The following COL4A6 variants were observed in gnomAD, a reference collection of about 807,000 sequenced individuals.
COL4A6 encodes collagen alpha-6(IV) chain.
COL4A6 carries 59 observed loss-of-function variants against 126.7 expected under a neutral mutation model. That is an observed-to-expected ratio of 0.47 (90% CI 0.38 to 0.58). COL4A6 has a LOEUF of 0.58. COL4A6 is among the 20% of genes least tolerant of loss of function. The probability of loss-of-function intolerance (pLI) is 0.00; values close to 1 mark genes in which losing one functional copy is unlikely to be tolerated. For synonymous variants in COL4A6, 547 were observed against 496.6 expected (o/e 1.10, Z -1.35); for missense variants, 1,285 against 1,337.3 (o/e 0.96, Z 0.61).
At chrX:108,308,356 A>T (rs1164475412) in intron 3 of COL4A6, among the ~76,000 whole-genome samples, 1 of 112,068 alleles carries the variant, frequency 8.9e-6, no homozygotes, top group East Asian at 2.8e-4. Flanking sequence ...TCCCCAACCC[A>T]ACAAACAGCC....
In COL4A6 at chrX:108,174,434, A is replaced by T. The variant is rs749031354; in HGVS notation, c.3138+6T>A. On this transcript the variant is annotated splice_donor_region_variant and intron_variant, in intron 31 of 44. Transcript: ENST00000334504. The stretch of plus-strand genomic sequence containing the variant: ...GGTATAAAGACAAAGATCTGGTCAC[A>T]CTTACACTTTCTCCTGGCATTCCTG... 68 of 1,208,406 alleles carry T rather than the reference A, an allele frequency of 5.6e-5. No individual in the cohort carries two copies. The highest frequency in any genetic ancestry group is 7.3e-5 in the Non-Finnish European group (65 of 894,273).
At chrX:108,162,705 C>T (rs946160160) in intron 41 of COL4A6, among the ~76,000 whole-genome samples, 187 bp downstream of exon 41, 1 of 111,672 alleles carries the variant, frequency 9.0e-6, no homozygotes, top group Non-Finnish European at 1.9e-5. Context: ...AAGCCAAGTA[C>T]CAAGTACAAC....
At chrX:108,334,633 A>T (rs897077116) in intron 2 of COL4A6, among the ~76,000 whole-genome samples, 7 of 111,453 alleles carry the variant, frequency 6.3e-5, no homozygotes, top group African/African-American at 2.0e-4. Context: ...GACCTTGGAC[A>T]ACTCACTTTA....
intron 2 of COL4A6, among the ~76,000 whole-genome samples, chrX:108,330,123 T>C (rs1177454428): frequency 9.0e-6 from 1 of 110,991 alleles, no homozygotes; most frequent in Admixed American, 9.6e-5. Context: ...GATGAGTTTG[T>C]GCAGAGAGTG....
chrX:108,413,943 A>G (rs185384774), intron 2 of COL4A6, among the ~76,000 whole-genome samples: 419 of 112,118 alleles, frequency 3.7e-3, no homozygotes, highest in Non-Finnish European at 5.8e-3. Flanking sequence ...TCCTCATGTC[A>G]TTTGTTACAA....
chrX:108,309,801 AACACAC>A (rs4036315), intron 3 of COL4A6, among the ~76,000 whole-genome samples: 21,352 of 80,551 alleles, frequency 0.27, 2,604 homozygotes, highest in East Asian at 0.52. Flanking sequence ...TAATCCTGGA[AACACAC>A]ACACACACAC....
At chrX:108,177,186 G>A (rs774672302) in intron 27 of COL4A6, among the ~76,000 whole-genome samples, 175 bp from the exon 28 acceptor site, 2 of 112,574 alleles carry the variant, frequency 1.8e-5, no homozygotes, top group East Asian at 2.8e-4. Flanking sequence ...TGGCTGAAGC[G>A]TTAGCATCTA....
chrX:108,347,058 C>T (rs1444773213), intron 2 of COL4A6, among the ~76,000 whole-genome samples: 1 of 111,835 alleles, frequency 8.9e-6, no homozygotes, highest in Non-Finnish European at 1.9e-5. Context: ...ATTTGTATTA[C>T]TTCATTTAGT....
At chrX:108,281,799 T>G (rs1370855691) in intron 3 of COL4A6, among the ~76,000 whole-genome samples, 4 of 110,160 alleles carry the variant, frequency 3.6e-5, no homozygotes, top group Non-Finnish European at 7.6e-5. Flanking sequence ...AAAACAGAGA[T>G]ATAGATCAAT....
intron 2 of COL4A6, among the ~76,000 whole-genome samples, chrX:108,318,376 C>T (rs1235827354): frequency 1.8e-5 from 2 of 111,075 alleles, no homozygotes; most frequent in Admixed American, 9.6e-5. Context: ...CTGGCCAGGG[C>T]GATTAGGCAG....
At chrX:108,349,470 A>G (rs1242676056) in intron 2 of COL4A6, among the ~76,000 whole-genome samples, 1 of 111,978 alleles carries the variant, frequency 8.9e-6, no homozygotes, top group Non-Finnish European at 1.9e-5. Context: ...TTGGCTCTGC[A>G]TTTATTAGCA....
intron 13 of COL4A6, among the ~76,000 whole-genome samples, chrX:108,198,383 G>T (rs1339632519): frequency 9.0e-6 from 1 of 110,771 alleles, no homozygotes; most frequent in Non-Finnish European, 1.9e-5. Context: ...GAAGAGTCTT[G>T]CTTTCTCAGA....
At chrX:108,266,993 A>C (rs1205652454) in intron 3 of COL4A6, among the ~76,000 whole-genome samples, 1 of 112,169 alleles carries the variant, frequency 8.9e-6, no homozygotes, top group African/African-American at 3.2e-5. Context: ...TTATTATCTT[A>C]CTATTCTTTA....
At position 108,165,455 on chromosome X, in the gene COL4A6, G is replaced by A. The variant is rs763742353; in HGVS notation, c.3723C>T (p.Leu1241=). 3.3e-6 allele frequency: 4 copies of A among 1,198,002 alleles called. No homozygotes were observed. In the Admixed American group the frequency reaches 9.1e-5, roughly 27 times the overall value. ...GFPGLQGPAG[L]PGAPGISLPS... is the part of the protein sequence containing the mutation. ...GCAAGGAGATGCCTGGGGCACCGGG[G>A]AGACCAGCAGGGCCCTGGAGACCTG... Residue 1241 remains leucine (L), a synonymous_variant, in exon 38 of 45, where the codon CTC becomes CTT. Coordinates refer to ENST00000334504, the MANE Select transcript of COL4A6 (RefSeq NM_033641.4).
chrX:108,165,930 A>T (rs1480332307), intron 37 of COL4A6, among the ~76,000 whole-genome samples: 1 of 112,898 alleles, frequency 8.9e-6, no homozygotes, highest in Non-Finnish European at 1.9e-5. Flanking sequence ...GGCCCCAGCC[A>T]GTCAGAACAG....
At chrX:108,178,603 T>C (rs2034574079) in intron 27 of COL4A6, 81 bp downstream of exon 27, 1 of 994,315 alleles carries the variant, frequency 1.0e-6, no homozygotes, top group South Asian at 2.2e-5. Flanking sequence ...GTCCCACTAC[T>C]GCTATTGCCC....
intron 2 of COL4A6, among the ~76,000 whole-genome samples, chrX:108,405,221 G>C (rs111592532): frequency 9.2e-6 from 1 of 108,445 alleles, no homozygotes; most frequent in Non-Finnish European, 1.9e-5. Flanking sequence ...TTCTTGAAGC[G>C]GAGTTCTCCC....
chrX:108,172,389 A>AT, intron 32 of COL4A6, 80 bp downstream of exon 32: 1 of 554,805 alleles, frequency 1.8e-6, no homozygotes, highest in Non-Finnish European at 2.7e-6. Flanking sequence ...AAAAAAAAAA[A>AT]AGAGAGAGAC....
chrX:108,251,224 A>T (rs1219226688), intron 3 of COL4A6, among the ~76,000 whole-genome samples: 1 of 111,921 alleles, frequency 8.9e-6, no homozygotes, highest in Admixed American at 9.4e-5. Context: ...TCTTTTGAAC[A>T]GGAAAAACAC....
Sources: allele counts gnomAD v4.1 joint callset (sites outside exome capture counted in the v4.1 genomes callset), GRCh38; gene constraint gnomAD v4.1.1; transcripts MANE v1.5; gene names NCBI Gene and HGNC (gene_info 2026-07-23, HGNC 2026-07-21).